Variants in MEGF6 observed in about 807,000 individuals in gnomAD.
The protein encoded by MEGF6 is multiple epidermal growth factor-like domains protein 6.
A neutral mutation model predicts 207.1 loss-of-function variants in MEGF6; 184 were observed. The ratio of observed to expected loss-of-function variants is 0.89; its 90% CI spans 0.79 to 1.00. The LOEUF is 1.00. Among genes scored for constraint, MEGF6 ranks in the 50% least tolerant of loss-of-function variants. The pLI is 0.00. For synonymous variants in MEGF6, 1,038 were observed against 910.0 expected, an observed-to-expected ratio of 1.14 and a Z score of -2.53; for missense variants, 2,282 against 2,202.9, an observed-to-expected ratio of 1.04 and a Z score of -0.72.
intron 4 of MEGF6, among the ~76,000 whole-genome samples, chr1:3,554,886 C>T (rs927201724): frequency 7.2e-5 from 11 of 152,182 alleles, no homozygotes; most frequent in African/African-American, 2.7e-4. Context: ...ATCGCGGGGC[C>T]ACTATTCTGG....
At chr1:3,602,213 C>A (rs900374408) in intron 2 of MEGF6, among the ~76,000 whole-genome samples, 8 of 152,240 alleles carry the variant, frequency 5.3e-5, no homozygotes, top group African/African-American at 1.9e-4. Flanking sequence ...GGCCCCTCCT[C>A]CTCCACACAC....
the MEGF6 span, among the ~76,000 whole-genome samples, chr1:3,620,069 C>T: frequency 6.6e-6 from 1 of 152,152 alleles, no homozygotes. Flanking sequence ...TTGTCCCTGC[C>T]CTAGAGATCC....
upstream of MEGF6, among the ~76,000 whole-genome samples, chr1:3,614,478 G>T (rs951788311): frequency 1.3e-5 from 2 of 152,192 alleles, no homozygotes; most frequent in African/African-American, 4.8e-5. Context: ...AATAAACTAC[G>T]CAGAGCACAG....
chr1:3,514,801 C>T (rs1641481059), intron 6 of MEGF6, 129 bp from the exon 7 acceptor site: 2 of 1,127,046 alleles, frequency 1.8e-6, no homozygotes, highest in East Asian at 2.6e-5. Context: ...GGCTGATGGG[C>T]TGGGCAGCGG....
intron 4 of MEGF6, among the ~76,000 whole-genome samples, chr1:3,577,035 G>GCACACCTGGCCCTGCACACTCCACCCCTA (rs1643663539): frequency 6.8e-6 from 1 of 148,102 alleles, no homozygotes; most frequent in Admixed American, 6.7e-5. Context: ...CTCCACCCCT[G>GCACACCTGGCCCTGCACACTCCACCCCTA]CACACCTGGC....
At chr1:3,612,122 C>T (rs1644336849), upstream of MEGF6, among the ~76,000 whole-genome samples, 1 of 152,190 alleles carries the variant, frequency 6.6e-6, no homozygotes, top group Non-Finnish European at 1.5e-5. Flanking sequence ...AGCCCGCGTG[C>T]ACCCTGGACA....
rs943288631 is a variant in MEGF6, at chr1:3,560,605, G to A, written c.481+19220C>T. On this transcript the variant is annotated intron_variant, in intron 4 of 36. Transcript: ENST00000356575. This position sits in a 1 kb window ranked among gnomAD's most constrained non-coding sequence, Gnocchi z 4.0. ...GGCCCCCCTGTTCTCCAAGAGAAAC[G>A]CTCCATAGGCAGGGAAAGGCTCTGG... 3 of 385,868 alleles carry A rather than the reference G, an allele frequency of 7.8e-6. No individual in the cohort carries two copies. The highest frequency in any genetic ancestry group is 1.9e-5 in the South Asian group (1 of 53,060). 23.9% of individuals were successfully genotyped at this position (385,868 alleles called of 1,614,324 possible).
In MEGF6 at chr1:3,494,140, T is replaced by A. The variant is rs779024019; in HGVS notation, c.4130-16A>T. 3.2e-6 allele frequency: 5 copies of A among 1,541,052 alleles called. No individual in the cohort carries two copies. The highest frequency in any genetic ancestry group is 3.5e-6 in the Non-Finnish European group (4 of 1,143,996). On this transcript the variant is annotated splice_polypyrimidine_tract_variant and intron_variant, in intron 32 of 36. Coordinates refer to ENST00000356575, the MANE Select transcript of MEGF6 (RefSeq NM_001409.4). ...GGGGGACAGGCTGAAGGACGCCGGT[T>A]ACCACGAGACAAGGGCACACGGTGG...
Position 3,594,689 on chromosome 1 carries a change from G to A in MEGF6, c.376+649C>T, listed in dbSNP as rs1644031585. Among the ~76,000 whole-genome samples the A allele has an allele frequency of 6.6e-6, 1 of 152,172 alleles. No individual in the cohort carries two copies. The highest frequency in any genetic ancestry group is 1.5e-5 in the Non-Finnish European group (1 of 68,024). Reference sequence around the variant, plus strand: ...CCTTCCCAAACATCTCTGTAGCTGTGAGCCCCATTCCTTTTACAAAGCAGA... The same window carrying A: ...CCTTCCCAAACATCTCTGTAGCTGTAAGCCCCATTCCTTTTACAAAGCAGA... On this transcript the variant is annotated intron_variant, in intron 3 of 36. Transcript: ENST00000356575. This position sits in a 1 kb window ranked among gnomAD's most constrained non-coding sequence, Gnocchi z 4.2.
chr1:3,552,724 G>A (rs1168295537), intron 4 of MEGF6, among the ~76,000 whole-genome samples: 4 of 152,146 alleles, frequency 2.6e-5, no homozygotes, highest in Non-Finnish European at 4.4e-5. Flanking sequence ...ACCCTGGGAG[G>A]CTCCCTTGGA....
intron 3 of MEGF6, among the ~76,000 whole-genome samples, chr1:3,582,679 C>T (rs1643827705): frequency 6.6e-6 from 1 of 152,168 alleles, no homozygotes; most frequent in South Asian, 2.1e-4. Flanking sequence ...CTATTAGACC[C>T]CCATCCAGCT....
intron 5 of MEGF6, among the ~76,000 whole-genome samples, chr1:3,518,963 T>G: frequency 6.6e-6 from 1 of 152,108 alleles, no homozygotes; most frequent in East Asian, 1.9e-4. Flanking sequence ...TCACAGCCTG[T>G]GAGAGCAGCT....
intron 34 of MEGF6, chr1:3,493,528 C>T (rs1456468702): frequency 1.7e-6 from 1 of 576,024 alleles, no homozygotes; most frequent in Admixed American, 3.4e-5. Flanking sequence ...CATGGCCTTC[C>T]TGGGACGTTG....
chr1:3,538,595 C>T (rs1025373632), intron 4 of MEGF6, among the ~76,000 whole-genome samples: 2 of 152,124 alleles, frequency 1.3e-5, no homozygotes, highest in African/African-American at 4.8e-5. Flanking sequence ...GGTCCTGTCT[C>T]CTGGCTCTGA....
intron 5 of MEGF6, among the ~76,000 whole-genome samples, chr1:3,518,403 T>G (rs1641621881): frequency 1.3e-5 from 2 of 152,132 alleles, no homozygotes; most frequent in Non-Finnish European, 2.9e-5. Flanking sequence ...CCACCCAGGA[T>G]TCTGCCAAAT....
At chr1:3,603,491 G>T (rs1043584871) in intron 1 of MEGF6, among the ~76,000 whole-genome samples, 2 of 152,124 alleles carry the variant, frequency 1.3e-5, no homozygotes, top group Non-Finnish European at 2.9e-5. Flanking sequence ...CGTCTGGGGG[G>T]CCTCAGAGGA....
At chr1:3,496,949 G>A in intron 28 of MEGF6, 39 bp downstream of exon 28, 1 of 1,543,182 alleles carries the variant, frequency 6.5e-7, no homozygotes, top group Non-Finnish European at 8.7e-7. Flanking sequence ...ACGCCAGGCA[G>A]CACTGCCGAG....
Position 3,531,113 on chromosome 1 carries a change from C to A in MEGF6, c.482-6867G>T, listed in dbSNP as rs890031627. On this transcript the variant is annotated intron_variant, in intron 4 of 36. Transcript: ENST00000356575. ...TGGTCACCGGCGCTCACGGGGTAGC[C>A]GGCCTGGCCCAGGTGACATGGGTAG... The A allele has an allele frequency of 6.6e-5, 101 of 1,527,958 alleles. No homozygotes were observed. The Middle Eastern group carries it at 8.6e-4, about 13-fold the overall frequency. The allele number at this position is 1,527,958 out of a possible 1,614,324, so 94.7% of individuals were successfully genotyped here. A position where few individuals can be genotyped will look rare whatever the true frequency, so the allele number is the denominator to read the frequency against.
chr1:3,602,280 A>G lies in MEGF6; in HGVS notation c.266+186T>C, dbSNP rs148951536. Among the ~76,000 whole-genome samples, 43 of 152,294 alleles carry G rather than the reference A, an allele frequency of 2.8e-4. No homozygotes were observed. The East Asian group carries it at 8.1e-3, about 29-fold the overall frequency. On this transcript the variant is annotated intron_variant, in intron 2 of 36. Coordinates refer to ENST00000356575, the MANE Select transcript of MEGF6 (RefSeq NM_001409.4). ...CAGGAGAGGGCTACAGCATGTGAGT[A>G]GCCCCATGGCAGACCCACCCTGAGG...
Sources: allele counts gnomAD v4.1 joint callset (sites outside exome capture counted in the v4.1 genomes callset), GRCh38; gene constraint gnomAD v4.1.1; non-coding constraint Gnocchi (gnomAD v3.1); transcripts MANE v1.5; gene names NCBI Gene and HGNC (gene_info 2026-07-23, HGNC 2026-07-21).